SNX29: variants seen among roughly 807,000 people sequenced by gnomAD.
The protein encoded by SNX29 is sorting nexin 29, also known as sorting nexin-29.
SNX29 carries 78 observed loss-of-function variants against 102.1 expected under a neutral mutation model. The observed-to-expected ratio is 0.76, with a 90% CI of 0.64 to 0.92. The LOEUF (loss-of-function observed/expected upper bound fraction) is 0.92, where lower values mean the gene tolerates loss of function less well. SNX29 is among the 40% of genes least tolerant of loss of function. The pLI is 0.00. For missense variants in SNX29, 1,280 were observed against 1,061.7 expected, an observed-to-expected ratio of 1.21 and a Z score of -2.86; for synonymous variants, 580 against 414.5, an observed-to-expected ratio of 1.40 and a Z score of -4.85.
intron 20 of SNX29, among the ~76,000 whole-genome samples, chr16:12,541,830 C>G (rs1327772720): frequency 2.0e-5 from 3 of 151,756 alleles, no homozygotes; most frequent in African/African-American, 4.9e-5. Context: ...GCCTCTTCCC[C>G]TCTTCTCCCA....
chr16:12,021,840 G>A (rs564297414), intron 3 of SNX29, among the ~76,000 whole-genome samples: 12 of 151,592 alleles, frequency 7.9e-5, no homozygotes, highest in African/African-American at 2.2e-4. Flanking sequence ...ACAGTGAGCC[G>A]AGATCACGTC....
intron 13 of SNX29, among the ~76,000 whole-genome samples, chr16:12,140,477 G>T (rs1402234202): frequency 1.3e-5 from 2 of 152,240 alleles, no homozygotes; most frequent in East Asian, 3.8e-4. Flanking sequence ...GAACAAGGAT[G>T]GAGGAGAGTT....
At chr16:12,163,104 ACTC>A (rs1567267061) in intron 13 of SNX29, among the ~76,000 whole-genome samples, 1 of 151,772 alleles carries the variant, frequency 6.6e-6, no homozygotes, top group Non-Finnish European at 1.5e-5. Context: ...CTGGTCTCGA[ACTC>A]CTGACCTCAG....
At chr16:12,264,562 G>A (rs1036771906) in intron 14 of SNX29, among the ~76,000 whole-genome samples, 2 of 152,166 alleles carry the variant, frequency 1.3e-5, no homozygotes, top group Non-Finnish European at 2.9e-5. Context: ...CCAGAGGATT[G>A]CCTGCAGTCA....
chr16:12,069,981 C>G (rs987682402), intron 10 of SNX29, among the ~76,000 whole-genome samples: 8 of 152,298 alleles, frequency 5.3e-5, no homozygotes, highest in African/African-American at 1.9e-4. Context: ...CTGTTATTTT[C>G]TTAATTTAAA....
chr16:12,474,448 G>C (rs549992937), intron 18 of SNX29, among the ~76,000 whole-genome samples: 1 of 152,240 alleles, frequency 6.6e-6, no homozygotes, highest in Admixed American at 6.5e-5. Context: ...CTGGGATTGC[G>C]CATGTGTGTT....
intron 13 of SNX29, among the ~76,000 whole-genome samples, chr16:12,137,402 C>T (rs954920049): frequency 6.6e-6 from 1 of 150,796 alleles, no homozygotes; most frequent in African/African-American, 2.4e-5. Flanking sequence ...CCTTCAGCTC[C>T]TCCTGGTGTT....
intron 4 of SNX29, among the ~76,000 whole-genome samples, chr16:12,032,801 G>A (rs894032479): frequency 2.0e-4 from 31 of 151,778 alleles, no homozygotes; most frequent in Non-Finnish European, 3.2e-4. Flanking sequence ...CAATGCACAC[G>A]AGATCCATTT....
chr16:12,257,042 A>G (rs989041968), intron 14 of SNX29, among the ~76,000 whole-genome samples: 1 of 152,182 alleles, frequency 6.6e-6, no homozygotes, highest in South Asian at 2.1e-4. Flanking sequence ...AGGTGGTGGC[A>G]GGGTTGTATT....
rs1350153632 is a variant in SNX29, at chr16:12,096,444, CATT to C, written c.1402+17532_1402+17534del. On this transcript the variant is annotated intron_variant, in intron 11 of 20. Transcript: ENST00000566228. The surrounding 1 kb of genome is among the most constrained non-coding windows in gnomAD (Gnocchi z 4.2). ...GTGTCACATGTTAAAATTTCCCCATCATTATAATGCAGATTTAAGAGTGCCAGC... is the reference window on the plus strand; with the variant it reads ...GTGTCACATGTTAAAATTTCCCCATCATAATGCAGATTTAAGAGTGCCAGC... Among the ~76,000 whole-genome samples the C allele has an allele frequency of 6.6e-6, 1 of 152,210 alleles. No individual in the cohort carries two copies. The highest frequency in any genetic ancestry group is 2.4e-5 in the African/African-American group (1 of 41,454).
chr16:12,572,143 C>T lies in SNX29; in HGVS notation c.*3514C>T, dbSNP rs1477388991. ...CTTGGCCCTGCTTCATACTTTGGAG[C>T]TTATTAAGATCAATTTTGATAACCA... On this transcript the variant is annotated 3_prime_UTR_variant, in exon 21 of 21. Transcript: ENST00000566228. 2.0e-6 allele frequency: 2 copies of T among 999,442 alleles called. No individual in the cohort carries two copies. Among genetic ancestry groups the T allele is most frequent in the Non-Finnish European group, 2.4e-6 (2 of 819,936 alleles). The allele number at this position is 999,442 out of a possible 1,614,324, so 61.9% of individuals were successfully genotyped here. A position where few individuals can be genotyped will look rare whatever the true frequency, so the allele number is the denominator to read the frequency against.
chr16:12,548,719 G>A (rs1180391761), intron 20 of SNX29, among the ~76,000 whole-genome samples: 5 of 152,100 alleles, frequency 3.3e-5, no homozygotes, highest in African/African-American at 1.2e-4. Flanking sequence ...GTGTAGGAGG[G>A]GTACATCCAG....
intron 19 of SNX29, among the ~76,000 whole-genome samples, chr16:12,495,343 G>C (rs1477445725): frequency 6.6e-6 from 1 of 151,868 alleles, no homozygotes; most frequent in Non-Finnish European, 1.5e-5. Flanking sequence ...GTAGAGACAG[G>C]GTTTCACCAT....
intron 20 of SNX29, among the ~76,000 whole-genome samples, chr16:12,533,061 GC>G (rs150014161): frequency 0.032 from 4,890 of 152,346 alleles, 109 homozygotes; most frequent in Non-Finnish European, 0.047. Context: ...AAACGATGGT[GC>G]CTTTGCAAGC....
intron 20 of SNX29, among the ~76,000 whole-genome samples, chr16:12,560,262 G>T (rs753870757): frequency 6.6e-6 from 1 of 151,738 alleles, no homozygotes; most frequent in Admixed American, 6.6e-5. Flanking sequence ...AAAATATCAG[G>T]AACACAGCAG....
intron 20 of SNX29, chr16:12,561,236 A>C: frequency 4.3e-6 from 1 of 230,152 alleles, no homozygotes; most frequent in East Asian, 6.2e-5. Flanking sequence ...AAGGCAGAGC[A>C]AGGCCACTCC....
At chr16:12,239,766 G>T (rs779291991) in intron 14 of SNX29, among the ~76,000 whole-genome samples, 2 of 151,732 alleles carry the variant, frequency 1.3e-5, no homozygotes, top group African/African-American at 2.4e-5. Context: ...GCTACCGTGA[G>T]CTGGTGTCAT....
At chr16:12,166,753 TG>T (rs2056045198) in intron 13 of SNX29, among the ~76,000 whole-genome samples, 1 of 152,180 alleles carries the variant, frequency 6.6e-6, no homozygotes, top group Non-Finnish European at 1.5e-5. Flanking sequence ...GCATCAGAGT[TG>T]GGTGTGTGTG....
chr16:12,179,384 C>T (rs541260737), intron 13 of SNX29, among the ~76,000 whole-genome samples: 65 of 152,156 alleles, frequency 4.3e-4, no homozygotes, highest in Non-Finnish European at 8.4e-4. Flanking sequence ...ACTCGGGAGG[C>T]CGAGGCAAGA....
Sources: allele counts gnomAD v4.1 joint callset (sites outside exome capture counted in the v4.1 genomes callset), GRCh38; gene constraint gnomAD v4.1.1; non-coding constraint Gnocchi (gnomAD v3.1); transcripts MANE v1.5; gene names NCBI Gene and HGNC (gene_info 2026-07-23, HGNC 2026-07-21).